COL6A3: variants seen among roughly 807,000 people sequenced by gnomAD.
COL6A3 encodes the protein collagen type VI alpha 3 chain.
Under a neutral mutation model 274.1 loss-of-function variants are expected in COL6A3, and 137 were observed. The observed-to-expected ratio is 0.50, with a 90% CI of 0.44 to 0.58. The LOEUF (loss-of-function observed/expected upper bound fraction) is 0.58, where lower values mean the gene tolerates loss of function less well. COL6A3 is among the 20% of genes least tolerant of loss of function. COL6A3 has a pLI of 0.00. For synonymous variants in COL6A3, 1,650 were observed against 1,650.6 expected, an observed-to-expected ratio of 1.00 and a Z score of 0.01; for missense variants, 3,950 against 4,124.9, an observed-to-expected ratio of 0.96 and a Z score of 1.16.
At position 237,345,091 on chromosome 2, in the gene COL6A3, A is replaced by G. The variant is rs1264905012; in HGVS notation, c.7129T>C (p.Cys2377Arg). ...TCTTTGATGCTTTGGATGAGGGCAC[A>G]TTGCTTTAAAAGAAAATAAAAGAAT... ...KGNRGDSIDQ[C>R]ALIQSIKDKC... is the part of the protein sequence containing the mutation. Residue 2377 changes from cysteine (C) to arginine (R), a missense_variant, in exon 34 of 44, where the codon TGT becomes CGT. Coordinates refer to ENST00000295550, the MANE Select transcript of COL6A3 (RefSeq NM_004369.4). 6.2e-7 allele frequency: 1 copy of G among 1,614,212 alleles called. No homozygotes were observed. The highest frequency in any genetic ancestry group is 2.2e-5 in the East Asian group (1 of 44,894).
At position 237,350,204 on chromosome 2, in the gene COL6A3, C is replaced by T. The variant is rs776662770; in HGVS notation, c.6822G>A (p.Glu2274=). Residue 2274 remains glutamate, a synonymous_variant, in exon 28 of 44, where the codon GAG becomes GAA. Coordinates refer to ENST00000295550, the MANE Select transcript of COL6A3 (RefSeq NM_004369.4). Reference sequence around the variant, plus strand: ...CTCCTTTTGGTCCTGGCTCTCCGGGCTCACCCTAGACATGAGAAACATGGC... The same window carrying T: ...CTCCTTTTGGTCCTGGCTCTCCGGGTTCACCCTAGACATGAGAAACATGGC... ...GRTGPLGRKG[E]PGEPGPKGGI... is the part of the protein sequence containing the mutation. 7 of 1,614,128 alleles carry T rather than the reference C, an allele frequency of 4.3e-6. No homozygotes were observed. In the South Asian group the frequency reaches 6.6e-5, roughly 15 times the overall value.
chr2:237,377,619 G>A (rs1255796710), intron 6 of COL6A3, among the ~76,000 whole-genome samples: 1 of 152,218 alleles, frequency 6.6e-6, no homozygotes, highest in Non-Finnish European at 1.5e-5. Context: ...GCCCCACTGG[G>A]TTGTGTTCTT....
rs886042689 is a variant in COL6A3, at chr2:237,340,843, G to T, written c.8073C>A (p.Asp2691Glu). Reference sequence around the variant, plus strand: ...CCACCAGCTTCTCCTTGGAGCCATAGTCAGTCAGGGAGAATTCCACCTTCA... The same window carrying T: ...CCACCAGCTTCTCCTTGGAGCCATATTCAGTCAGGGAGAATTCCACCTTCA... ...PPVKVEFSLT[D>E]YGSKEKLVDF... The change falls in exon 38 of 44, where the codon GAC becomes GAA. Residue 2691 changes from aspartate (D) to glutamate (E), a missense_variant. Coordinates refer to ENST00000295550, the MANE Select transcript of COL6A3 (RefSeq NM_004369.4). The T allele has an allele frequency of 1.9e-6, 3 of 1,614,068 alleles. No homozygotes were observed. The highest frequency in any genetic ancestry group is 2.5e-6 in the Non-Finnish European group (3 of 1,180,036).
chr2:237,412,577 A>T (rs939209039), intron 1 of COL6A3, among the ~76,000 whole-genome samples: 5 of 152,230 alleles, frequency 3.3e-5, no homozygotes, highest in African/African-American at 1.2e-4. Context: ...CTCTTCCATT[A>T]TCTTTAGCCC....
Position 237,379,219 on chromosome 2 carries a change from C to T in COL6A3, c.1914G>A (p.Arg638=), listed in dbSNP as rs34904623. The change falls in exon 6 of 44, where the codon AGG becomes AGA. Residue 638 remains arginine, a synonymous_variant. Coordinates refer to ENST00000295550, the MANE Select transcript of COL6A3 (RefSeq NM_004369.4). ...SGTPEVHSNK[R]DIIFLLDGSA... Reference sequence around the variant, plus strand: ...ATCCATCCAAAAGAAAGATGATATCCCTTTTGTTTGAGTGAACTGCAGTGA... The same window carrying T: ...ATCCATCCAAAAGAAAGATGATATCTCTTTTGTTTGAGTGAACTGCAGTGA... The T allele has an allele frequency of 5.3e-3, 8,620 of 1,614,068 alleles. 406 individuals carry two copies. In the African/African-American group the frequency reaches 0.1, roughly 19 times the overall value.
Position 237,347,551 on chromosome 2 carries a change from C to T in COL6A3, c.7029+256G>A, listed in dbSNP as rs72986103. Among the ~76,000 whole-genome samples, 3,759 of 152,174 alleles carry T rather than the reference C, an allele frequency of 0.025. 73 individuals are homozygous for T. The highest frequency in any genetic ancestry group is 0.039 in the South Asian group (188 of 4,812). On this transcript the variant is annotated intron_variant, in intron 31 of 43. Transcript: ENST00000295550. ...TTCGAGACTGCAGGTGGGTGCTGTG[C>T]CTGGAGTGAGCTGGGCTGGCGACCC...
At chr2:237,325,830 A>T in intron 42 of COL6A3, 106 bp from the exon 43 acceptor site, 1 of 944,180 alleles carries the variant, frequency 1.1e-6, no homozygotes, top group East Asian at 2.6e-5. Context: ...AGAAGGAAAA[A>T]AAAGAAGAGC....
At chr2:237,357,518 T>G (rs973176389) in intron 22 of COL6A3, 127 bp from the exon 23 acceptor site, 3 of 921,212 alleles carry the variant, frequency 3.3e-6, no homozygotes, top group Admixed American at 1.7e-5. Context: ...GCAGGACAGT[T>G]GCACACTTTG....
intron 1 of COL6A3, among the ~76,000 whole-genome samples, chr2:237,403,049 T>C (rs1019748533): frequency 1.6e-4 from 24 of 152,232 alleles, no homozygotes; most frequent in Admixed American, 1.4e-3. Flanking sequence ...CAGACTAGTG[T>C]CCAGATGGAC....
Position 237,396,858 on chromosome 2 carries a change from A to C in COL6A3, c.-30-11T>G. Reference sequence around the variant, plus strand: ...GCACCAAATATGAACCTAAAAGAGAAAACAGGGCAAAGGGAATGATCAGTT... The same window carrying C: ...GCACCAAATATGAACCTAAAAGAGACAACAGGGCAAAGGGAATGATCAGTT... On this transcript the variant is annotated splice_polypyrimidine_tract_variant and intron_variant, in intron 1 of 43. Coordinates refer to ENST00000295550, the MANE Select transcript of COL6A3 (RefSeq NM_004369.4). 1.3e-6 allele frequency: 2 copies of C among 1,577,124 alleles called. No individual in the cohort carries two copies. The highest frequency in any genetic ancestry group is 2.7e-5 in the African/African-American group (2 of 74,262).
chr2:237,331,557 C>T (rs1700226206), intron 42 of COL6A3, among the ~76,000 whole-genome samples: 1 of 151,994 alleles, frequency 6.6e-6, no homozygotes, highest in African/African-American at 2.4e-5. Flanking sequence ...ACTGCAATTG[C>T]TTTCGCACCA....
At chr2:237,348,919 G>A (rs1480243472) in intron 28 of COL6A3, among the ~76,000 whole-genome samples, 2 of 152,178 alleles carry the variant, frequency 1.3e-5, no homozygotes, top group Non-Finnish European at 2.9e-5. Flanking sequence ...AGAACTGCTG[G>A]TTGCTTTTGG....
intron 1 of COL6A3, among the ~76,000 whole-genome samples, chr2:237,408,979 C>T (rs577680858): frequency 2.0e-5 from 3 of 152,214 alleles, no homozygotes; most frequent in African/African-American, 7.2e-5. Context: ...GGAAGAGTAC[C>T]TTTCTCCACA....
intron 39 of COL6A3, among the ~76,000 whole-genome samples, chr2:237,336,935 A>G (rs988427338): frequency 6.6e-6 from 1 of 152,126 alleles, no homozygotes; most frequent in Non-Finnish European, 1.5e-5. Context: ...GAAAATATCC[A>G]CTCAATCAAA....
At chr2:237,351,916 A>G (rs1406474843) in intron 26 of COL6A3, among the ~76,000 whole-genome samples, 1 of 152,234 alleles carries the variant, frequency 6.6e-6, no homozygotes, top group Non-Finnish European at 1.5e-5. Flanking sequence ...CCAGTTTATT[A>G]GTCATTTTTT....
chr2:237,393,976 C>G (rs576293849), intron 3 of COL6A3, among the ~76,000 whole-genome samples: 2 of 152,210 alleles, frequency 1.3e-5, no homozygotes, highest in African/African-American at 4.8e-5. Context: ...ATAAGAAGAC[C>G]AGACCCACAG....
At position 237,371,658 on chromosome 2, in the gene COL6A3, T is replaced by C. The variant is rs1340488587; in HGVS notation, c.4285+74A>G. On this transcript the variant is annotated intron_variant, in intron 9 of 43. Coordinates refer to ENST00000295550, the MANE Select transcript of COL6A3 (RefSeq NM_004369.4). This position sits in a 1 kb window ranked among gnomAD's most constrained non-coding sequence, Gnocchi z 4.3. ...TTATTTTAATTTAATTTATTATGAG[T>C]ACCATGGCCTTTGAGCCTGTTATTT... The C allele has an allele frequency of 1.3e-6, 2 of 1,521,192 alleles. No individual in the cohort carries two copies. Among genetic ancestry groups the C allele is most frequent in the East Asian group, 2.3e-5 (1 of 44,152 alleles). The allele number at this position is 1,521,192 out of a possible 1,614,324, so 94.2% of individuals were successfully genotyped here. A position where few individuals can be genotyped will look rare whatever the true frequency, so the allele number is the denominator to read the frequency against.
chr2:237,384,669 T>A, intron 4 of COL6A3, among the ~76,000 whole-genome samples: 1 of 152,048 alleles, frequency 6.6e-6, no homozygotes, highest in East Asian at 1.9e-4. Context: ...AGAATGACTG[T>A]CTCATGGCTG....
chr2:237,369,976 A>G (rs981266752), intron 9 of COL6A3, among the ~76,000 whole-genome samples: 1 of 151,318 alleles, frequency 6.6e-6, no homozygotes, highest in African/African-American at 2.4e-5. Flanking sequence ...AGCTGGAACT[A>G]CAGACATGAA....
Sources: gnomAD v4.1 joint callset for allele counts (sites outside exome capture counted in the v4.1 genomes callset) on GRCh38, gnomAD v4.1.1 for gene constraint, Gnocchi (gnomAD v3.1) non-coding constraint, MANE v1.5 for transcripts, NCBI Gene and HGNC (gene_info 2026-07-23, HGNC 2026-07-21) for gene names.